Variants in SMIM41 observed in about 807,000 individuals in gnomAD.
The protein encoded by SMIM41 is small integral membrane protein 41.
intron 2 of SMIM41, among the ~76,000 whole-genome samples, chr12:52,103,941 C>T (rs1940274381): frequency 6.6e-6 from 1 of 151,956 alleles, no homozygotes; most frequent in Admixed American, 6.6e-5. Flanking sequence ...GAGATGATGG[C>T]GGTGATGGTT....
At chr12:52,105,984 G>A (rs1459460698) in intron 2 of SMIM41, among the ~76,000 whole-genome samples, 1 of 152,150 alleles carries the variant, frequency 6.6e-6, no homozygotes, top group Admixed American at 6.5e-5. Context: ...CCGATCGTGG[G>A]CTCCCGCTGC....
At chr12:52,094,340 C>T (rs1283391650) in intron 2 of SMIM41, among the ~76,000 whole-genome samples, 8 of 151,694 alleles carry the variant, frequency 5.3e-5, no homozygotes, top group Admixed American at 2.0e-4. Context: ...GGACTACAGG[C>T]GTGTGCCACC....
At chr12:52,085,623 G>A (rs1458139320) in intron 2 of SMIM41, among the ~76,000 whole-genome samples, 1 of 152,176 alleles carries the variant, frequency 6.6e-6, no homozygotes, top group Non-Finnish European at 1.5e-5. Flanking sequence ...CATGTCACTT[G>A]GGCCAAACCC....
At position 52,081,872 on chromosome 12, in the gene SMIM41, C is replaced by T. The variant is rs1230208181; in HGVS notation, c.*120+1691C>T. 1.3e-5 allele frequency among the ~76,000 whole-genome samples: 2 copies of T among 152,200 alleles called. No homozygotes were observed. The highest frequency in any genetic ancestry group is 6.5e-5 in the Admixed American group (1 of 15,288). On this transcript the variant is annotated intron_variant, in intron 1 of 2. Coordinates refer to ENST00000546390, the MANE Select transcript of SMIM41 (RefSeq NM_001369216.1). The surrounding 1 kb of genome is among the most constrained non-coding windows in gnomAD (Gnocchi z 4.1). ...GGGCCCTGATTCCAAGTTCAGGCCC[C>T]CTTCTGGCACTTGGGGGCCCCTCTC...
At chr12:52,099,775 C>G (rs551496236) in intron 2 of SMIM41, among the ~76,000 whole-genome samples, 1 of 151,842 alleles carries the variant, frequency 6.6e-6, no homozygotes, top group African/African-American at 2.4e-5. Flanking sequence ...TTGAAAGTAT[C>G]ATCCTCTTTT....
chr12:52,085,049 C>CTA (rs1939874519), intron 2 of SMIM41, among the ~76,000 whole-genome samples: 2 of 151,290 alleles, frequency 1.3e-5, no homozygotes, highest in African/African-American at 4.9e-5. Context: ...TGCGGTGGTG[C>CTA]CACCCACTGA....
rs183691449 is a variant in SMIM41 at position 52,083,949 on chromosome 12, A to G, written c.*176A>G. ...AAGAGAAGAAGAGAGGAGAGAAGAG[A>G]AGAGGAGAGGAGAGAAGAGGTATAG... On this transcript the variant is annotated 3_prime_UTR_variant, in exon 2 of 3. Transcript: ENST00000546390. 7 of 152,084 alleles carry G rather than the reference A, an allele frequency of 4.6e-5. No individual in the cohort carries two copies. Among genetic ancestry groups the G allele is most frequent in the Admixed American group, 3.3e-4 (5 of 15,280 alleles). The allele number at this position is 152,084 out of a possible 1,614,324, so 9.4% of individuals were successfully genotyped here.
chr12:52,101,564 G>A (rs954788406), intron 2 of SMIM41, among the ~76,000 whole-genome samples: 7 of 152,210 alleles, frequency 4.6e-5, no homozygotes, highest in Non-Finnish European at 1.0e-4. Context: ...GAATAAGTGA[G>A]TTCTAGTGTT....
intron 1 of SMIM41, among the ~76,000 whole-genome samples, chr12:52,080,792 G>C (rs1203743352): frequency 6.6e-6 from 1 of 152,180 alleles, no homozygotes; most frequent in Non-Finnish European, 1.5e-5. Context: ...TCATGTTTGA[G>C]GGCAGATCCA....
At chr12:52,089,888 A>C (rs914349538) in intron 2 of SMIM41, among the ~76,000 whole-genome samples, 1 of 152,188 alleles carries the variant, frequency 6.6e-6, no homozygotes, top group Non-Finnish European at 1.5e-5. Flanking sequence ...TCCTACTTCC[A>C]AATAAGGTCA....
At position 52,101,482 on chromosome 12, in the gene SMIM41, C is replaced by T. The variant is rs146156661; in HGVS notation, c.*196-5897C>T. Among the ~76,000 whole-genome samples the T allele has an allele frequency of 6.6e-3, 1,001 of 152,042 alleles. 11 individuals are homozygous for T. The highest frequency in any genetic ancestry group is 0.023 in the African/African-American group (934 of 41,484). ...GGAGAGTATAAAGGGGGTTAGCAGA[C>T]GCTAGGAAGAAAAGGGGTGGGATGG... is the stretch of plus-strand genomic sequence containing the variant. On this transcript the variant is annotated intron_variant, in intron 2 of 2. Transcript: ENST00000546390.
At chr12:52,103,171 CA>C (rs1210886532) in intron 2 of SMIM41, among the ~76,000 whole-genome samples, 2 of 151,666 alleles carry the variant, frequency 1.3e-5, no homozygotes, top group African/African-American at 2.4e-5. Context: ...ACTGAAAACG[CA>C]AAAAATTAGA....
chr12:52,088,457 A>G (rs1336543116), intron 2 of SMIM41, among the ~76,000 whole-genome samples: 1 of 152,074 alleles, frequency 6.6e-6, no homozygotes, highest in Non-Finnish European at 1.5e-5. Context: ...ATGGGGAAGG[A>G]CTGTGGAAGG....
intron 1 of SMIM41, among the ~76,000 whole-genome samples, chr12:52,080,621 C>T (rs1939804339): frequency 6.6e-6 from 1 of 152,196 alleles, no homozygotes; most frequent in South Asian, 2.1e-4. Context: ...AGGTCCTAGG[C>T]CCAACTCTGC....
At chr12:52,087,187 G>A (rs375880149) in intron 2 of SMIM41, among the ~76,000 whole-genome samples, 311 of 152,238 alleles carry the variant, frequency 2.0e-3, no homozygotes, top group African/African-American at 7.3e-3. Flanking sequence ...CCGGGCCTCC[G>A]CCTCTGCAGC....
At chr12:52,099,107 G>A (rs1161616974) in intron 2 of SMIM41, among the ~76,000 whole-genome samples, 2 of 151,324 alleles carry the variant, frequency 1.3e-5, no homozygotes, top group Non-Finnish European at 3.0e-5. Flanking sequence ...ATGAGGAAGA[G>A]TTTCACAGGG....
In SMIM41 at chr12:52,090,865, C is replaced by A. The variant is rs116674548; in HGVS notation, c.*195+6897C>A. On this transcript the variant is annotated intron_variant, in intron 2 of 2. Transcript: ENST00000546390. ...AGCTTCTTCTTGAATACAGATCCCA[C>A]GCCTGGCTGCCATCCTCACCATCCT... 8.9e-4 allele frequency among the ~76,000 whole-genome samples: 136 copies of A among 152,294 alleles called. 2 individuals are homozygous for A. Among genetic ancestry groups the A allele is most frequent in the African/African-American group, 3.1e-3 (129 of 41,552 alleles).
chr12:52,095,532 A>C (rs560333827), intron 2 of SMIM41, among the ~76,000 whole-genome samples: 2 of 152,236 alleles, frequency 1.3e-5, no homozygotes, highest in East Asian at 3.9e-4. Context: ...GAACAATATC[A>C]CAGGAGTGTT....
intron 2 of SMIM41, among the ~76,000 whole-genome samples, chr12:52,094,173 T>G: frequency 6.7e-6 from 1 of 149,174 alleles, no homozygotes; most frequent in African/African-American, 2.5e-5. Context: ...AAATCTAACT[T>G]GAACAATTCC....
Sources: allele counts gnomAD v4.1 joint callset (sites outside exome capture counted in the v4.1 genomes callset), GRCh38; gene constraint gnomAD v4.1.1; non-coding constraint Gnocchi (gnomAD v3.1); transcripts MANE v1.5; gene names NCBI Gene and HGNC (gene_info 2026-07-23, HGNC 2026-07-21).